The following KIAA0825 variants were observed in gnomAD, a reference collection of about 807,000 sequenced individuals.
KIAA0825 encodes uncharacterized protein KIAA0825.
KIAA0825 carries 119 observed loss-of-function variants against 147.6 expected under a neutral mutation model. The ratio of observed to expected loss-of-function variants is 0.81; its 90% CI spans 0.69 to 0.94. The LOEUF (loss-of-function observed/expected upper bound fraction) is 0.94. KIAA0825 is among the 40% of genes least tolerant of loss of function. The pLI, the probability that KIAA0825 is intolerant of heterozygous loss-of-function variation, is 0.00. For synonymous variants in KIAA0825, 470 were observed against 518.1 expected, an observed-to-expected ratio of 0.91 and a Z score of 1.26; for missense variants, 1,381 against 1,472.7, an observed-to-expected ratio of 0.94 and a Z score of 1.02.
chr5:94,475,688 A>G (rs1432595619), intron 7 of KIAA0825, among the ~76,000 whole-genome samples: 4 of 152,142 alleles, frequency 2.6e-5, no homozygotes, highest in African/African-American at 9.7e-5. Context: ...GGGCGCCTGT[A>G]ATCCCAGCTA....
At chr5:94,315,190 T>A (rs999433717) in intron 20 of KIAA0825, among the ~76,000 whole-genome samples, 2 of 151,684 alleles carry the variant, frequency 1.3e-5, no homozygotes, top group African/African-American at 4.8e-5. Flanking sequence ...TTTCTAGGCC[T>A]GGCATGATGA....
intron 5 of KIAA0825, among the ~76,000 whole-genome samples, chr5:94,516,724 A>G (rs1767312337): frequency 8.1e-6 from 1 of 123,200 alleles, no homozygotes; most frequent in African/African-American, 3.1e-5. Context: ...CCGGAAGTGG[A>G]GCTTGCAGTG....
intron 3 of KIAA0825, among the ~76,000 whole-genome samples, chr5:94,534,664 T>C (rs1771604830): frequency 6.6e-6 from 1 of 152,198 alleles, no homozygotes; most frequent in Admixed American, 6.5e-5. Flanking sequence ...TACAATGTTT[T>C]AATCACTGTT....
intron 20 of KIAA0825, among the ~76,000 whole-genome samples, chr5:94,357,757 G>A (rs1190947929): frequency 6.6e-6 from 1 of 152,032 alleles, no homozygotes; most frequent in Non-Finnish European, 1.5e-5. Context: ...TCCTGCCATG[G>A]TACTTCCATA....
intron 20 of KIAA0825, among the ~76,000 whole-genome samples, chr5:94,270,896 TAA>T (rs1478164126): frequency 6.6e-6 from 1 of 152,150 alleles, no homozygotes; most frequent in Admixed American, 6.5e-5. Flanking sequence ...GACAAGATAT[TAA>T]GTCTCAATCT....
At chr5:94,290,878 A>G (rs1473415900) in intron 20 of KIAA0825, among the ~76,000 whole-genome samples, 4 of 152,124 alleles carry the variant, frequency 2.6e-5, no homozygotes, top group Non-Finnish European at 5.9e-5. Flanking sequence ...TTTCTCTAAT[A>G]ACCAGTGATG....
At chr5:94,212,346 G>A (rs545538749) in intron 20 of KIAA0825, among the ~76,000 whole-genome samples, 1 of 152,196 alleles carries the variant, frequency 6.6e-6, no homozygotes, top group East Asian at 1.9e-4. Context: ...TCAATGTCAA[G>A]ACTGGAAAAT....
intron 3 of KIAA0825, among the ~76,000 whole-genome samples, chr5:94,526,503 G>A (rs1769307160): frequency 6.6e-6 from 1 of 151,900 alleles, no homozygotes; most frequent in Non-Finnish European, 1.5e-5. Context: ...ACCCCAATGT[G>A]CCTTAATTAT....
chr5:94,168,672 C>T (rs1768297365), intron 20 of KIAA0825, among the ~76,000 whole-genome samples: 2 of 152,024 alleles, frequency 1.3e-5, no homozygotes, highest in Non-Finnish European at 2.9e-5. Context: ...GATAGAAGGC[C>T]AAGGTCATAC....
intron 16 of KIAA0825, among the ~76,000 whole-genome samples, chr5:94,399,073 C>T (rs1053712823): frequency 1.3e-5 from 2 of 152,110 alleles, no homozygotes; most frequent in African/African-American, 2.4e-5. Flanking sequence ...AAGACTGTTG[C>T]ATTAAATAAG....
intron 20 of KIAA0825, among the ~76,000 whole-genome samples, chr5:94,180,367 C>A (rs540304081): frequency 1.3e-3 from 191 of 152,150 alleles, no homozygotes; most frequent in Non-Finnish European, 2.3e-3. Flanking sequence ...GACTCCTGTG[C>A]TGTCGTAGAT....
intron 16 of KIAA0825, among the ~76,000 whole-genome samples, chr5:94,397,637 C>A (rs779403282): frequency 1.2e-4 from 18 of 152,068 alleles, no homozygotes; most frequent in Non-Finnish European, 5.9e-5. Flanking sequence ...TTGTGAGGAG[C>A]TCTTCTATGT....
At chr5:94,348,823 C>T (rs1407343049) in intron 20 of KIAA0825, among the ~76,000 whole-genome samples, 3 of 152,148 alleles carry the variant, frequency 2.0e-5, no homozygotes, top group Admixed American at 2.0e-4. Flanking sequence ...CACATCAAAA[C>T]AGAACCTTTT....
chr5:94,322,326 T>C (rs1780268272), intron 20 of KIAA0825, among the ~76,000 whole-genome samples: 1 of 151,894 alleles, frequency 6.6e-6, no homozygotes, highest in African/African-American at 2.4e-5. Flanking sequence ...AATCAGGGTT[T>C]TTTAGGTAAA....
chr5:94,572,053 A>G (rs1780066322), intron 2 of KIAA0825, among the ~76,000 whole-genome samples: 1 of 151,840 alleles, frequency 6.6e-6, no homozygotes, highest in Admixed American at 6.6e-5. Flanking sequence ...GTGCCTGTGA[A>G]AAGCCACTGC....
Position 94,374,072 on chromosome 5 carries a change from CA to C in KIAA0825, c.3710+10295del, listed in dbSNP as rs200636787. On this transcript the variant is annotated intron_variant, in intron 20 of 20. Transcript: ENST00000682413. ...GTTTTTGGGTCTGAACAGTATGTGACAGGGGAATAGTCATTGAAAAAAAGAA... is the reference window on the plus strand; with the variant it reads ...GTTTTTGGGTCTGAACAGTATGTGACGGGGAATAGTCATTGAAAAAAAGAA... Among the ~76,000 whole-genome samples the C allele has an allele frequency of 5.2e-3, 789 of 152,138 alleles. 10 individuals carry two copies. Among genetic ancestry groups the C allele is most frequent in the African/African-American group, 0.018 (733 of 41,504 alleles).
chr5:94,609,916 T>A (rs1585034949), intron 1 of KIAA0825, among the ~76,000 whole-genome samples: 1 of 152,050 alleles, frequency 6.6e-6, no homozygotes, highest in South Asian at 2.1e-4. Context: ...CTCTTAACAG[T>A]AGAGGACAGA....
At chr5:94,415,602 GT>G (rs1753353437) in intron 15 of KIAA0825, 2 of 152,274 alleles carry the variant, frequency 1.3e-5, no homozygotes, top group Admixed American at 1.3e-4. Flanking sequence ...AATATTTAAT[GT>G]TTATGGAGCA....
chr5:94,577,787 A>C (rs781592353), intron 2 of KIAA0825, among the ~76,000 whole-genome samples: 1 of 152,220 alleles, frequency 6.6e-6, no homozygotes, highest in Non-Finnish European at 1.5e-5. Flanking sequence ...GAGACCATTC[A>C]ACCTTTAAAC....
Sources: allele counts gnomAD v4.1 joint callset (sites outside exome capture counted in the v4.1 genomes callset), GRCh38; gene constraint gnomAD v4.1.1; transcripts MANE v1.5; gene names NCBI Gene and HGNC (gene_info 2026-07-23, HGNC 2026-07-21).